The following FRMPD4 variants were observed in gnomAD, a reference collection of about 807,000 sequenced individuals.
FRMPD4 encodes FERM and PDZ domain containing 4.
A neutral mutation model predicts 94.1 loss-of-function variants in FRMPD4; 22 were observed. The ratio of observed to expected loss-of-function variants is 0.23; its 90% CI spans 0.17 to 0.33. FRMPD4 has a LOEUF of 0.33. Ranked by LOEUF, FRMPD4 falls within the 10% of genes least tolerant of loss-of-function variation. The pLI is 1.00. For missense variants in FRMPD4, 1,111 were observed against 1,339.9 expected (o/e 0.83, Z 2.67); for synonymous variants, 631 against 548.6 (o/e 1.15, Z -2.10).
chrX:12,044,937 G>C (rs900374677), intron 3 of FRMPD4, among the ~76,000 whole-genome samples: 4 of 112,083 alleles, frequency 3.6e-5, no homozygotes, highest in South Asian at 3.7e-4. Context: ...CATTTACTAT[G>C]TATTAGAAAA....
chrX:12,276,073 GA>G (rs2054430697), intron 1 of FRMPD4, among the ~76,000 whole-genome samples: 1 of 112,136 alleles, frequency 8.9e-6, no homozygotes, highest in Admixed American at 9.4e-5. Context: ...GCAAGATAAA[GA>G]CTATTTGATG....
intron 1 of FRMPD4, among the ~76,000 whole-genome samples, chrX:12,401,222 A>G (rs947822249): frequency 1.8e-5 from 2 of 110,931 alleles, no homozygotes; most frequent in African/African-American, 3.3e-5. Context: ...ATGTCCTTCA[A>G]TCTTGATGAG....
chrX:12,638,023 A>ATTTTTATATTC (rs1382576834), intron 4 of FRMPD4, among the ~76,000 whole-genome samples: 1 of 111,760 alleles, frequency 8.9e-6, no homozygotes, highest in Non-Finnish European at 1.9e-5. Context: ...GATAACACTT[A>ATTTTTATATTC]TTTTTATATT....
intron 2 of FRMPD4, among the ~76,000 whole-genome samples, chrX:12,598,766 A>G (rs1245544983): frequency 8.9e-6 from 1 of 112,467 alleles, no homozygotes; most frequent in Non-Finnish European, 1.9e-5. Context: ...AATTAAAACA[A>G]CTGTTAGCTC....
At chrX:12,410,037 A>C (rs1389255756) in intron 1 of FRMPD4, among the ~76,000 whole-genome samples, 1 of 111,518 alleles carries the variant, frequency 9.0e-6, no homozygotes, top group African/African-American at 3.3e-5. Context: ...GTGAAGCTTT[A>C]TGTCAGTGCT....
intron 3 of FRMPD4, among the ~76,000 whole-genome samples, chrX:11,919,147 T>A (rs1275720485): frequency 1.8e-5 from 2 of 112,605 alleles, no homozygotes; most frequent in Non-Finnish European, 3.8e-5. Context: ...TTTTAGATTG[T>A]CCTGTGCATG....
At chrX:12,536,532 C>T (rs7885214) in intron 2 of FRMPD4, among the ~76,000 whole-genome samples, 44,257 of 110,706 alleles carry the variant, frequency 0.4, 7,435 homozygotes, top group Non-Finnish European at 0.54. Flanking sequence ...CTACGCACAA[C>T]CTCTTAAACC....
intron 1 of FRMPD4, chrX:12,396,293 A>C (rs1274192120): frequency 9.1e-6 from 1 of 109,602 alleles, no homozygotes; most frequent in East Asian, 2.8e-4. Flanking sequence ...GTTTTGATAC[A>C]TTTCCTGACT....
At chrX:11,881,084 C>T (rs192758999) in intron 3 of FRMPD4, among the ~76,000 whole-genome samples, 1 of 112,274 alleles carries the variant, frequency 8.9e-6, no homozygotes, top group African/African-American at 3.2e-5. Flanking sequence ...AATGAGATGC[C>T]GTGCCACACC....
chrX:12,190,983 G>GA lies in FRMPD4; in HGVS notation c.41+51975dup, dbSNP rs752524880. ...TGAGAAGACAAGCCACAGACTAAAA[G>GA]AAAATATTTGCAATTGACATATTTG... On this transcript the variant is annotated intron_variant, in intron 1 of 16. Coordinates refer to ENST00000675598, the MANE Select transcript of FRMPD4 (RefSeq NM_001368397.1). Among the ~76,000 whole-genome samples, 255 of 105,194 alleles carry GA rather than the reference G, an allele frequency of 2.4e-3. 1 individual carries two copies. The highest frequency in any genetic ancestry group is 8.1e-3 in the African/African-American group (238 of 29,360). 91.3% of individuals were successfully genotyped at this position (105,194 alleles called of 115,157 possible).
At chrX:11,984,678 T>A (rs759385727) in intron 3 of FRMPD4, among the ~76,000 whole-genome samples, 34 of 112,540 alleles carry the variant, frequency 3.0e-4, no homozygotes, top group African/African-American at 1.1e-3. Context: ...AGATGAATGT[T>A]TGCCTCACAA....
At chrX:12,391,280 T>C (rs1485383826) in intron 1 of FRMPD4, among the ~76,000 whole-genome samples, 1 of 111,865 alleles carries the variant, frequency 8.9e-6, no homozygotes, top group African/African-American at 3.3e-5. Context: ...AAGATGCTTT[T>C]GTTGTCAAGA....
intron 1 of FRMPD4, among the ~76,000 whole-genome samples, chrX:12,385,464 T>C (rs1271029503): frequency 8.9e-6 from 1 of 112,442 alleles, no homozygotes; most frequent in Non-Finnish European, 1.9e-5. Flanking sequence ...CTGCTGAGAA[T>C]ATAGATCTTA....
chrX:12,454,355 A>G (rs780829287), intron 1 of FRMPD4, among the ~76,000 whole-genome samples: 10 of 111,899 alleles, frequency 8.9e-5, no homozygotes, highest in Admixed American at 5.7e-4. Context: ...ACAAATTCCT[A>G]TTTTCTAAGC....
At chrX:11,933,123 C>T (rs2054131191) in intron 3 of FRMPD4, among the ~76,000 whole-genome samples, 2 of 111,842 alleles carry the variant, frequency 1.8e-5, no homozygotes, top group Admixed American at 9.5e-5. Flanking sequence ...CCTAGGTACA[C>T]GTATTTGCAA....
At position 12,694,418 on chromosome X, in the gene FRMPD4, G is replaced by A. The variant is rs780733218; in HGVS notation, c.897G>A (p.Arg299=). ...CAAAAGATCCAATTGACCTTTTAAG[G>A]AGAGATCCAGTTGCTTTCGAGTATC... The part of the protein sequence containing the change: ...FVPKDPIDLL[R]RDPVAFEYLY... The change falls in exon 9 of 17, where the codon AGG becomes AGA. Residue 299 remains arginine (R), a synonymous_variant. Coordinates refer to ENST00000675598, the MANE Select transcript of FRMPD4 (RefSeq NM_001368397.1). The A allele has an allele frequency of 8.4e-7, 1 of 1,197,570 alleles. No homozygotes were observed. Among genetic ancestry groups the A allele is most frequent in the Non-Finnish European group, 1.1e-6 (1 of 882,650 alleles).
intron 1 of FRMPD4, among the ~76,000 whole-genome samples, chrX:12,277,464 G>T (rs1227448764): frequency 1.2e-4 from 13 of 111,962 alleles, no homozygotes; most frequent in African/African-American, 1.6e-4. Flanking sequence ...TGGGCTAGGC[G>T]GCCCATGGTG....
At chrX:12,579,159 T>C (rs2058840096) in intron 2 of FRMPD4, among the ~76,000 whole-genome samples, 1 of 112,392 alleles carries the variant, frequency 8.9e-6, no homozygotes. Context: ...TGAAAAAATC[T>C]ATGTAGCTCT....
intron 5 of FRMPD4, 40 bp downstream of exon 5, chrX:12,674,948 A>C (rs1452198955): frequency 1.3e-5 from 12 of 896,406 alleles, no homozygotes; most frequent in East Asian, 3.1e-5. Context: ...TAATGTTCTC[A>C]GGCTTCTTGT....
Sources: allele counts gnomAD v4.1 joint callset (sites outside exome capture counted in the v4.1 genomes callset), GRCh38; gene constraint gnomAD v4.1.1; transcripts MANE v1.5; gene names NCBI Gene and HGNC (gene_info 2026-07-23, HGNC 2026-07-21).